MSRA: variants seen among roughly 807,000 people sequenced by gnomAD.
MSRA encodes the protein methionine sulfoxide reductase A, also known as mitochondrial peptide methionine sulfoxide reductase.
MSRA carries 54 observed loss-of-function variants against 31.3 expected under a neutral mutation model. That is an observed-to-expected ratio of 1.73 (90% CI 1.39 to 2.17). The LOEUF (loss-of-function observed/expected upper bound fraction) is 2.17. MSRA is among the 30% of genes most tolerant of loss of function. MSRA has a pLI of 0.00. For missense variants in MSRA, 507 were observed against 300.9 expected (o/e 1.69, Z -5.07); for synonymous variants, 169 against 116.5 (o/e 1.45, Z -2.90).
intron 3 of MSRA, among the ~76,000 whole-genome samples, chr8:10,292,798 G>A (rs1800315418): frequency 6.6e-6 from 1 of 152,176 alleles, no homozygotes; most frequent in African/African-American, 2.4e-5. Context: ...GTGACCCTGA[G>A]GGCAGAGAGG....
intron 1 of MSRA, among the ~76,000 whole-genome samples, chr8:10,129,074 A>G (rs916713983): frequency 6.6e-6 from 1 of 152,210 alleles, no homozygotes; most frequent in African/African-American, 2.4e-5. Context: ...GTTCTATTTT[A>G]TGCAAATAGA....
chr8:10,234,410 G>A (rs1811765631), intron 2 of MSRA, among the ~76,000 whole-genome samples: 1 of 152,096 alleles, frequency 6.6e-6, no homozygotes, highest in African/African-American at 2.4e-5. Context: ...AAAACATAGT[G>A]AAGTGGGTAT....
chr8:10,345,327 T>C (rs1803700986), intron 5 of MSRA, among the ~76,000 whole-genome samples: 1 of 152,168 alleles, frequency 6.6e-6, no homozygotes, highest in African/African-American at 2.4e-5. Context: ...TGGGAATAGG[T>C]TACTAAGCAT....
At chr8:10,395,196 G>A (rs1002653993) in intron 5 of MSRA, among the ~76,000 whole-genome samples, 4 of 152,170 alleles carry the variant, frequency 2.6e-5, no homozygotes, top group Non-Finnish European at 5.9e-5. Context: ...TCCTATTTAA[G>A]AGTGTGCTTT....
chr8:10,412,620 A>T (rs923736266), intron 5 of MSRA, among the ~76,000 whole-genome samples: 3 of 152,236 alleles, frequency 2.0e-5, no homozygotes, highest in African/African-American at 7.2e-5. Flanking sequence ...CACCTGATTA[A>T]AAAATGGACA....
intron 5 of MSRA, among the ~76,000 whole-genome samples, chr8:10,353,148 A>C (rs1330479839): frequency 6.6e-6 from 1 of 151,996 alleles, no homozygotes; most frequent in East Asian, 1.9e-4. Flanking sequence ...ACACATTCTC[A>C]CTGTGAGACA....
intron 5 of MSRA, among the ~76,000 whole-genome samples, chr8:10,352,306 G>A (rs146750746): frequency 1.2e-3 from 182 of 152,298 alleles, no homozygotes; most frequent in African/African-American, 4.2e-3. Flanking sequence ...AAAAGACTGT[G>A]TATGTATGTG....
At chr8:10,154,647 G>C (rs932921297) in intron 1 of MSRA, among the ~76,000 whole-genome samples, 1 of 152,096 alleles carries the variant, frequency 6.6e-6, no homozygotes, top group African/African-American at 2.4e-5. Flanking sequence ...AAAGTGCTGG[G>C]ATTACAGGCA....
intron 1 of MSRA, among the ~76,000 whole-genome samples, chr8:10,109,767 A>G (rs921466664): frequency 3.3e-5 from 5 of 152,184 alleles, no homozygotes; most frequent in Non-Finnish European, 7.3e-5. Flanking sequence ...TAATGAGGAG[A>G]TGAAGTCATT....
chr8:10,127,701 G>A (rs573534399), intron 1 of MSRA, among the ~76,000 whole-genome samples: 2 of 152,272 alleles, frequency 1.3e-5, no homozygotes, highest in South Asian at 4.1e-4. Context: ...AGAGAATTGG[G>A]TTACCTTAGC....
chr8:10,219,622 C>T lies in MSRA; in HGVS notation c.211+11721C>T, dbSNP rs187827118. Among the ~76,000 whole-genome samples, 308 of 151,952 alleles carry T rather than the reference C, an allele frequency of 2.0e-3. 1 individual carries two copies. The highest frequency in any genetic ancestry group is 7.0e-3 in the African/African-American group (290 of 41,450). ...CAGACTGAGACCATCCTGGCTAACACGGTGAAACCCCGTCTCTACTAAAAA... is the reference window on the plus strand; with the variant it reads ...CAGACTGAGACCATCCTGGCTAACATGGTGAAACCCCGTCTCTACTAAAAA... On this transcript the variant is annotated intron_variant, in intron 2 of 5. Coordinates refer to ENST00000317173, the MANE Select transcript of MSRA (RefSeq NM_012331.5).
intron 5 of MSRA, among the ~76,000 whole-genome samples, chr8:10,361,897 C>T (rs1563394378): frequency 1.3e-5 from 2 of 152,040 alleles, no homozygotes; most frequent in African/African-American, 4.8e-5. Flanking sequence ...TAGTTTTGAA[C>T]TTTTTCTTCC....
At chr8:10,160,500 A>G (rs1804541170) in intron 1 of MSRA, among the ~76,000 whole-genome samples, 1 of 152,130 alleles carries the variant, frequency 6.6e-6, no homozygotes, top group Non-Finnish European at 1.5e-5. Context: ...ATCTAAAAAA[A>G]AAAAAAAATC....
intron 3 of MSRA, among the ~76,000 whole-genome samples, chr8:10,296,557 C>T (rs1034845019): frequency 2.6e-5 from 4 of 152,178 alleles, no homozygotes; most frequent in Non-Finnish European, 5.9e-5. Context: ...GACTTCTATT[C>T]CAATTTTCCC....
intron 3 of MSRA, among the ~76,000 whole-genome samples, chr8:10,251,452 T>C (rs891288109): frequency 2.0e-5 from 3 of 152,198 alleles, no homozygotes; most frequent in Non-Finnish European, 4.4e-5. Flanking sequence ...TACTAAGTTA[T>C]TGACATACTC....
At chr8:10,194,133 G>T (rs1333600640) in intron 1 of MSRA, among the ~76,000 whole-genome samples, 1 of 152,162 alleles carries the variant, frequency 6.6e-6, no homozygotes, top group African/African-American at 2.4e-5. Flanking sequence ...ACTTGCTGCT[G>T]TACGAGTCTC....
chr8:10,100,708 T>A (rs1254086404), intron 1 of MSRA, among the ~76,000 whole-genome samples: 1 of 152,176 alleles, frequency 6.6e-6, no homozygotes, highest in African/African-American at 2.4e-5. Context: ...CTTAAAAGTT[T>A]GGCCGTGAGT....
intron 1 of MSRA, among the ~76,000 whole-genome samples, chr8:10,130,643 C>T (rs570633326): frequency 2.0e-5 from 3 of 152,260 alleles, no homozygotes; most frequent in South Asian, 2.1e-4. Flanking sequence ...ACATACAAAG[C>T]GATTTTGGAG....
intron 5 of MSRA, among the ~76,000 whole-genome samples, chr8:10,366,467 C>T (rs1178642045): frequency 6.6e-6 from 1 of 152,238 alleles, no homozygotes; most frequent in Non-Finnish European, 1.5e-5. Flanking sequence ...CAATGGCAAG[C>T]ATTACCCTGA....
Sources: allele counts gnomAD v4.1 joint callset (sites outside exome capture counted in the v4.1 genomes callset), GRCh38; gene constraint gnomAD v4.1.1; transcripts MANE v1.5; gene names NCBI Gene and HGNC (gene_info 2026-07-23, HGNC 2026-07-21).